Variants in SEL1L observed in about 807,000 individuals in gnomAD.
SEL1L encodes protein sel-1 homolog 1.
In SEL1L, 52 loss-of-function variants were observed where a neutral mutation model predicts 109.8. The observed-to-expected ratio is 0.47, with a 90% confidence interval of 0.38 to 0.60. The LOEUF (loss-of-function observed/expected upper bound fraction) is 0.60. Ranked by LOEUF, SEL1L falls within the 20% of genes least tolerant of loss-of-function variation. The pLI is 0.00. For missense variants in SEL1L, 749 were observed against 962.2 expected (o/e 0.78, Z 2.93); for synonymous variants, 373 against 339.6 (o/e 1.10, Z -1.08).
At chr14:81,511,267 C>T (rs1884465862) in intron 3 of SEL1L, among the ~76,000 whole-genome samples, 1 of 152,200 alleles carries the variant, frequency 6.6e-6, no homozygotes, top group Non-Finnish European at 1.5e-5. Flanking sequence ...TCATACAAAG[C>T]TCAGCTCTTT....
In SEL1L at chr14:81,504,190, G is replaced by A; in HGVS notation, c.614+11C>T. On this transcript the variant is annotated intron_variant, in intron 5 of 20. Coordinates refer to ENST00000336735, the MANE Select transcript of SEL1L (RefSeq NM_005065.6). ...TCATGGGGGAAAAGTGGACTTAGCAGTGCTACCTACTCTCTTTTTTGGCTT... is the reference window on the plus strand; with the variant it reads ...TCATGGGGGAAAAGTGGACTTAGCAATGCTACCTACTCTCTTTTTTGGCTT... 6 of 1,547,932 alleles carry A rather than the reference G, an allele frequency of 3.9e-6. No individual in the cohort carries two copies. Among genetic ancestry groups the A allele is most frequent in the Non-Finnish European group, 5.3e-6 (6 of 1,135,290 alleles).
In SEL1L at chr14:81,473,422, AAAATCC is replaced by A. The variant is rs1903062261; in HGVS notation, c.*3544_*3549del. On this transcript the variant is annotated 3_prime_UTR_variant, in exon 21 of 21. Coordinates refer to ENST00000336735, the MANE Select transcript of SEL1L (RefSeq NM_005065.6). ...TCTTTTCAATGAATACCACACATTT[AAAATCC>A]AGATCGTGCCTCAGGCATTCAGGAG... 6.6e-6 allele frequency: 1 copy of A among 152,224 alleles called. No individual in the cohort carries two copies. Among genetic ancestry groups the A allele is most frequent in the Non-Finnish European group, 1.5e-5 (1 of 68,034 alleles). The allele number at this position is 152,224 out of a possible 1,614,324, so 9.4% of individuals were successfully genotyped here.
At chr14:81,493,640 C>A (rs1883631507) in intron 11 of SEL1L, among the ~76,000 whole-genome samples, 1 of 152,210 alleles carries the variant, frequency 6.6e-6, no homozygotes, top group Non-Finnish European at 1.5e-5. Flanking sequence ...TCCTTCACAG[C>A]CAAGCTTCTC....
rs1903021368 is a variant in SEL1L at position 81,471,784 on chromosome 14, T to A, written c.*5188A>T. On this transcript the variant is annotated 3_prime_UTR_variant, in exon 21 of 21. Coordinates refer to ENST00000336735, the MANE Select transcript of SEL1L (RefSeq NM_005065.6). ...ACCAATAAACTACTAGCATAGTGAATTTTCAGGATCTAATTAAAAGCTTGT... is the reference window on the plus strand; with the variant it reads ...ACCAATAAACTACTAGCATAGTGAAATTTCAGGATCTAATTAAAAGCTTGT... 6.6e-6 allele frequency: 1 copy of A among 152,202 alleles called. No homozygotes were observed. The highest frequency in any genetic ancestry group is 2.4e-5 in the African/African-American group (1 of 41,444). The allele number at this position is 152,202 out of a possible 1,614,324, so 9.4% of individuals were successfully genotyped here. A position where few individuals can be genotyped will look rare whatever the true frequency, so the allele number is the denominator to read the frequency against.
At chr14:81,483,630 AT>A (rs1433893165) in intron 19 of SEL1L, among the ~76,000 whole-genome samples, 1 of 152,214 alleles carries the variant, frequency 6.6e-6, no homozygotes. Context: ...AATTATTGTT[AT>A]TTAGATTCTA....
chr14:81,473,723 G>C lies in SEL1L; in HGVS notation c.*3249C>G, dbSNP rs1313747858. ...AATGTTAGTCCGAACCTCTGTAAAG[G>C]AAGTTTTTGCGTATGTAGTTAGACA... On this transcript the variant is annotated 3_prime_UTR_variant, in exon 21 of 21. Transcript: ENST00000336735. The C allele has an allele frequency of 6.6e-6, 1 of 152,072 alleles. No homozygotes were observed. Among genetic ancestry groups the C allele is most frequent in the Non-Finnish European group, 1.5e-5 (1 of 67,992 alleles). 9.4% of individuals were successfully genotyped at this position (152,072 alleles called of 1,614,324 possible).
At chr14:81,503,747 C>A (rs1884114526) in intron 5 of SEL1L, among the ~76,000 whole-genome samples, 1 of 152,080 alleles carries the variant, frequency 6.6e-6, no homozygotes, top group South Asian at 2.1e-4. Flanking sequence ...TAAATCTTTG[C>A]AGACTATAAA....
intron 12 of SEL1L, among the ~76,000 whole-genome samples, chr14:81,491,010 A>G (rs74711869): frequency 0.018 from 2,699 of 152,366 alleles, 32 homozygotes; most frequent in Middle Eastern, 0.02. Flanking sequence ...TGACTTATTT[A>G]TAAACATGAA....
intron 20 of SEL1L, among the ~76,000 whole-genome samples, chr14:81,477,792 G>A (rs1380332760): frequency 3.9e-5 from 6 of 152,078 alleles, no homozygotes; most frequent in African/African-American, 1.2e-4. Flanking sequence ...CAGCCTGGGC[G>A]ACAGAGCAAG....
chr14:81,492,559 A>C lies in SEL1L; in HGVS notation c.1186-11T>G. ...GTAGTCAAATGCTCTCTATGAGAAA[A>C]GAATTTATTAAAATAATTAGTTTTT... On this transcript the variant is annotated splice_polypyrimidine_tract_variant and intron_variant, in intron 11 of 20. Coordinates refer to ENST00000336735, the MANE Select transcript of SEL1L (RefSeq NM_005065.6). 6.4e-7 allele frequency: 1 copy of C among 1,559,544 alleles called. No individual in the cohort carries two copies. The highest frequency in any genetic ancestry group is 8.7e-7 in the Non-Finnish European group (1 of 1,143,598).
At chr14:81,505,439 G>A (rs1884200460) in intron 4 of SEL1L, among the ~76,000 whole-genome samples, 2 of 152,066 alleles carry the variant, frequency 1.3e-5, no homozygotes, top group African/African-American at 2.4e-5. Flanking sequence ...ACCCAGTCAC[G>A]CTGGCCTACA....
intron 20 of SEL1L, among the ~76,000 whole-genome samples, chr14:81,478,075 TATA>T (rs1365176909): frequency 1.3e-5 from 2 of 152,248 alleles, no homozygotes; most frequent in Admixed American, 6.5e-5. Context: ...GTTCTTAGCC[TATA>T]ATATTTTAAT....
chr14:81,479,453 C>G (rs1903273329), intron 20 of SEL1L, 159 bp downstream of exon 20: 2 of 540,638 alleles, frequency 3.7e-6, no homozygotes, highest in Non-Finnish European at 5.9e-6. Context: ...TTTATCCCTC[C>G]CCTGATAAGG....
intron 11 of SEL1L, among the ~76,000 whole-genome samples, chr14:81,493,529 TA>T (rs1883628677): frequency 2.3e-5 from 3 of 127,716 alleles, no homozygotes; most frequent in African/African-American, 8.9e-5. Context: ...AATAAATAAA[TA>T]AAATAAATAA....
At chr14:81,533,622 G>C in intron 1 of SEL1L, 53 bp downstream of exon 1, 2 of 1,571,244 alleles carry the variant, frequency 1.3e-6, no homozygotes, top group Non-Finnish European at 8.7e-7. Flanking sequence ...GCCGGCTGTA[G>C]AGGCTGGGGG....
Position 81,479,743 on chromosome 14 carries a change from A to G in SEL1L, c.2047-3T>C, listed in dbSNP as rs1235642235. 3 of 1,602,734 alleles carry G rather than the reference A, an allele frequency of 1.9e-6. No homozygotes were observed. Among genetic ancestry groups the G allele is most frequent in the Admixed American group, 1.8e-5 (1 of 57,030 alleles). On this transcript the variant is annotated splice_polypyrimidine_tract_variant and splice_region_variant and intron_variant, in intron 19 of 20. Coordinates refer to ENST00000336735, the MANE Select transcript of SEL1L (RefSeq NM_005065.6). ...AAACGTTTCGCAAGGTGAATATCCT[A>G]TAATACAGGTAAGAAACAAAAATGC...
chr14:81,507,267 T>A (rs1310843003), intron 3 of SEL1L, among the ~76,000 whole-genome samples: 1 of 152,020 alleles, frequency 6.6e-6, no homozygotes, highest in Non-Finnish European at 1.5e-5. Context: ...GAGTGGAAAG[T>A]ATGTAAAAAG....
In SEL1L at chr14:81,472,239, C is replaced by T. The variant is rs1230563606; in HGVS notation, c.*4733G>A. 2 of 158,246 alleles carry T rather than the reference C, an allele frequency of 1.3e-5. No individual in the cohort carries two copies. Among genetic ancestry groups the T allele is most frequent in the Non-Finnish European group, 2.8e-5 (2 of 71,920 alleles). 9.8% of individuals were successfully genotyped at this position (158,246 alleles called of 1,614,324 possible). A position where few individuals can be genotyped will look rare whatever the true frequency, so the allele number is the denominator to read the frequency against. On this transcript the variant is annotated 3_prime_UTR_variant, in exon 21 of 21. Transcript: ENST00000336735. ...GTTAAGGCTCTGACATCCGACTTCC[C>T]CCACAACTTTTAGGTCAGTCAAGGT...
intron 6 of SEL1L, among the ~76,000 whole-genome samples, chr14:81,499,913 T>G (rs1415726966): frequency 6.7e-6 from 1 of 148,988 alleles, no homozygotes; most frequent in Admixed American, 6.6e-5. Flanking sequence ...CTTTTTTTTT[T>G]TTTTTTTTTT....
Sources: gnomAD v4.1 joint callset for allele counts (sites outside exome capture counted in the v4.1 genomes callset) on GRCh38, gnomAD v4.1.1 for gene constraint, MANE v1.5 for transcripts, NCBI Gene and HGNC (gene_info 2026-07-23, HGNC 2026-07-21) for gene names.